PRR12: variants seen among roughly 807,000 people sequenced by gnomAD.
PRR12 encodes the protein proline rich 12.
A neutral mutation model predicts 138.0 loss-of-function variants in PRR12; 12 were observed. The observed-to-expected ratio is 0.09, with a 90% CI of 0.06 to 0.14. The LOEUF (loss-of-function observed/expected upper bound fraction) is 0.14. Among genes scored for constraint, PRR12 ranks in the 10% least tolerant of loss-of-function variants. PRR12 has a pLI of 1.00. For missense variants in PRR12, 2,692 were observed against 2,861.3 expected (o/e 0.94, Z 1.35); for synonymous variants, 1,567 against 1,291.7 (o/e 1.21, Z -4.57).
At chr19:49,606,645 CTT>C (rs1230626073) in intron 6 of PRR12, among the ~76,000 whole-genome samples, 6 of 128,128 alleles carry the variant, frequency 4.7e-5, no homozygotes, top group Non-Finnish European at 8.3e-5. Context: ...TACCATCTCT[CTT>C]TTTTTTTTTT....
chr19:49,599,727 C>T lies in PRR12; in HGVS notation c.4134C>T (p.Pro1378=), dbSNP rs770104258. ...EELKRNLETL[P]SFSSDEEDSV... is the part of the protein sequence containing the mutation. ...TGAAGCGGAACCTCGAGACGCTGCCCTCCTTCTCCTCGGATGAGGAAGACT... is the reference window on the plus strand; with the variant it reads ...TGAAGCGGAACCTCGAGACGCTGCCTTCCTTCTCCTCGGATGAGGAAGACT... The change falls in exon 5 of 14, where the codon CCC becomes CCT. Residue 1378 remains proline, a synonymous_variant. Transcript: ENST00000418929. This position sits in a 1 kb window ranked among gnomAD's most constrained non-coding sequence, Gnocchi z 5.0. 6.2e-7 allele frequency: 1 copy of T among 1,613,640 alleles called. No individual in the cohort carries two copies. Among genetic ancestry groups the T allele is most frequent in the Non-Finnish European group, 8.5e-7 (1 of 1,179,890 alleles).
rs1435073586 is a variant in PRR12 at position 49,599,989 on chromosome 19, C to G, written c.4345+51C>G. 5.4e-6 allele frequency: 8 copies of G among 1,481,330 alleles called. No individual in the cohort carries two copies. The South Asian group carries it at 7.9e-5, about 15-fold the overall frequency. The allele number at this position is 1,481,330 out of a possible 1,614,324, so 91.8% of individuals were successfully genotyped here. Reference sequence around the variant, plus strand: ...AGTAGAGCTTAAAGGTTATTATGATCACTAGGTAACAGTTGTGCAGGTTAC... The same window carrying G: ...AGTAGAGCTTAAAGGTTATTATGATGACTAGGTAACAGTTGTGCAGGTTAC... On this transcript the variant is annotated intron_variant, in intron 5 of 13. Transcript: ENST00000418929. This position sits in a 1 kb window ranked among gnomAD's most constrained non-coding sequence, Gnocchi z 5.0.
chr19:49,598,801 A>G (rs117384714), intron 4 of PRR12, among the ~76,000 whole-genome samples: 2,122 of 152,290 alleles, frequency 0.014, 35 homozygotes, highest in South Asian at 0.059. Context: ...TGGGCCACAG[A>G]GTGAGACCCT....
Position 49,597,939 on chromosome 19 carries a change from G to A in PRR12, c.3604G>A (p.Gly1202Ser). 1 of 1,403,892 alleles carries A rather than the reference G, an allele frequency of 7.1e-7. No homozygotes were observed. Among genetic ancestry groups the A allele is most frequent in the African/African-American group, 1.5e-5 (1 of 65,730 alleles). The allele number at this position is 1,403,892 out of a possible 1,614,324, so 87.0% of individuals were successfully genotyped here. A position where few individuals can be genotyped will look rare whatever the true frequency, so the allele number is the denominator to read the frequency against. ...CACCGATGGCGCCAAGAAACCCCGG[G>A]GCCGGGGCCGAGGCCGGGGTCGAAA... ...TPTDGAKKPR[G>S]RGRGRGRKAE... Residue 1202 changes from glycine to serine, a missense_variant, in exon 4 of 14, where the codon GGC becomes AGC. Coordinates refer to ENST00000418929, the MANE Select transcript of PRR12 (RefSeq NM_020719.3). The surrounding 1 kb of genome is among the most constrained non-coding windows in gnomAD (Gnocchi z 6.3).
Position 49,614,729 on chromosome 19 carries a change from G to A in PRR12, c.4890+80G>A, listed in dbSNP as rs2080882802. On this transcript the variant is annotated intron_variant, in intron 7 of 13. Transcript: ENST00000418929. The surrounding 1 kb of genome is among the most constrained non-coding windows in gnomAD (Gnocchi z 5.0). ...AGCTGGGGTTCCCCTTAGTGTGGCT[G>A]TGACTCACTCCACAGTGTATCTGGA... 6.8e-7 allele frequency: 1 copy of A among 1,474,258 alleles called. No homozygotes were observed. Among genetic ancestry groups the A allele is most frequent in the Non-Finnish European group, 9.2e-7 (1 of 1,081,220 alleles). The allele number at this position is 1,474,258 out of a possible 1,614,324, so 91.3% of individuals were successfully genotyped here.
chr19:49,606,919 G>C (rs1463900593), intron 6 of PRR12, among the ~76,000 whole-genome samples: 1 of 151,974 alleles, frequency 6.6e-6, no homozygotes, highest in Non-Finnish European at 1.5e-5. Context: ...GTTTATTCCA[G>C]AAAAACAGCA....
chr19:49,613,767 C>A lies in PRR12; in HGVS notation c.4774-766C>A, dbSNP rs939408271. Among the ~76,000 whole-genome samples the A allele has an allele frequency of 2.0e-5, 3 of 152,174 alleles. No individual in the cohort carries two copies. In the South Asian group the frequency reaches 6.2e-4, roughly 31 times the overall value. On this transcript the variant is annotated intron_variant, in intron 6 of 13. Coordinates refer to ENST00000418929, the MANE Select transcript of PRR12 (RefSeq NM_020719.3). Reference sequence around the variant, plus strand: ...GAGAAGGCTTTTTCAGTGTCTTAGACTCCTCAGGTTGCTATACCAGAATAC... The same window carrying A: ...GAGAAGGCTTTTTCAGTGTCTTAGAATCCTCAGGTTGCTATACCAGAATAC...
chr19:49,597,603 A>C lies in PRR12; in HGVS notation c.3268A>C (p.Thr1090Pro). The change falls in exon 4 of 14, where the codon ACC becomes CCC. Residue 1090 changes from threonine to proline, a missense_variant. Coordinates refer to ENST00000418929, the MANE Select transcript of PRR12 (RefSeq NM_020719.3). This position sits in a 1 kb window ranked among gnomAD's most constrained non-coding sequence, Gnocchi z 6.3. ...LLRRRDPPFQ[T>P]PKKLYAQEYE... The stretch of plus-strand genomic sequence containing the variant: ...GCGGCGCCGCGACCCACCCTTCCAG[A>C]CCCCCAAGAAGCTGTACGCCCAGGA... 6.2e-7 allele frequency: 1 copy of C among 1,609,200 alleles called. No individual in the cohort carries two copies. The highest frequency in any genetic ancestry group is 1.1e-5 in the South Asian group (1 of 90,276).
chr19:49,593,102 G>A (rs2080740196), intron 1 of PRR12, among the ~76,000 whole-genome samples: 1 of 152,030 alleles, frequency 6.6e-6, no homozygotes, highest in Non-Finnish European at 1.5e-5. Flanking sequence ...GAGACTATCC[G>A]GGCTCTCTTT....
At chr19:49,605,418 A>G (rs1216077699) in intron 6 of PRR12, among the ~76,000 whole-genome samples, 3 of 150,626 alleles carry the variant, frequency 2.0e-5, no homozygotes, top group Non-Finnish European at 3.0e-5. Flanking sequence ...ATGTGCCACC[A>G]TGCCTGGCTA....
chr19:49,603,100 A>G (rs995494365), intron 6 of PRR12, among the ~76,000 whole-genome samples: 1 of 152,254 alleles, frequency 6.6e-6, no homozygotes, highest in Non-Finnish European at 1.5e-5. Flanking sequence ...CTCAATGGCA[A>G]AAAATATCTC....
In PRR12 at chr19:49,601,557, C is replaced by G. The variant is rs2080810310; in HGVS notation, c.4412C>G (p.Pro1471Arg). The change falls in exon 6 of 14, where the codon CCT becomes CGT. Residue 1471 changes from proline to arginine, a missense_variant. Physicochemically the swap from Pro to Arg is moderately radical, Grantham distance 103. This residue lies in a region of PRR12 where 231 missense variants were observed against 200.8 expected (regional missense o/e 1.15). Coordinates refer to ENST00000418929, the MANE Select transcript of PRR12 (RefSeq NM_020719.3). ...CCTGCCCCGACTCCTCAGCCTCAGCCTCCGCCACCCCCTCCGCCGCCACAG... is the reference window on the plus strand; with the variant it reads ...CCTGCCCCGACTCCTCAGCCTCAGCGTCCGCCACCCCCTCCGCCGCCACAG... ...PPPAPTPQPQ[P>R]PPPPPPPQPA... 2 of 1,541,664 alleles carry G rather than the reference C, an allele frequency of 1.3e-6. No homozygotes were observed. The highest frequency in any genetic ancestry group is 2.4e-5 in the South Asian group (2 of 83,822).
intron 6 of PRR12, among the ~76,000 whole-genome samples, chr19:49,610,614 C>G (rs1376427629): frequency 1.4e-5 from 2 of 147,626 alleles, no homozygotes; most frequent in Admixed American, 6.9e-5. Flanking sequence ...GCGATCTCAG[C>G]TCACTACAAG....
chr19:49,606,434 C>T (rs1250481899), intron 6 of PRR12, among the ~76,000 whole-genome samples: 1 of 151,618 alleles, frequency 6.6e-6, no homozygotes, highest in African/African-American at 2.4e-5. Flanking sequence ...GCCTCAGCCT[C>T]CTGAGTAGCT....
chr19:49,593,229 A>T, intron 1 of PRR12, 98 bp from the exon 2 acceptor site: 1 of 345,892 alleles, frequency 2.9e-6, no homozygotes, highest in Non-Finnish European at 5.3e-6. Flanking sequence ...CACCCCGGTC[A>T]GCTGGAAGGG....
At chr19:49,607,361 G>GCACACACA (rs72175242) in intron 6 of PRR12, among the ~76,000 whole-genome samples, 127 of 147,862 alleles carry the variant, frequency 8.6e-4, no homozygotes, top group African/African-American at 3.1e-3. Flanking sequence ...ATGTACGTGT[G>GCACACACA]CACACACACA....
chr19:49,607,976 G>A (rs1423422502), intron 6 of PRR12, among the ~76,000 whole-genome samples: 5 of 152,042 alleles, frequency 3.3e-5, no homozygotes, highest in Non-Finnish European at 5.9e-5. Flanking sequence ...CCGAAATGAC[G>A]CCATTGCACT....
chr19:49,601,813 A>G lies in PRR12; in HGVS notation c.4668A>G (p.Ala1556=), dbSNP rs1194970419. Residue 1556 remains alanine (A), a synonymous_variant, in exon 6 of 14, where the codon GCA becomes GCG. Coordinates refer to ENST00000418929, the MANE Select transcript of PRR12 (RefSeq NM_020719.3). ...TGGCCAAAAAGCAGGAGACGGCGGC[A>G]GTGTGTGGGGAGACGGACGAGGAGG... ...LHLAKKQETA[A]VCGETDEEAG... 1 of 1,612,406 alleles carries G rather than the reference A, an allele frequency of 6.2e-7. No homozygotes were observed. Among genetic ancestry groups the G allele is most frequent in the Non-Finnish European group, 8.5e-7 (1 of 1,179,840 alleles).
rs556275626 is a variant in PRR12, at chr19:49,591,789, CAGCCG to C, written c.86+50_86+54del. 1.0e-3 allele frequency: 1,237 copies of C among 1,225,986 alleles called. 12 individuals carry two copies. The African/African-American group carries it at 0.024, about 24-fold the overall frequency. 75.9% of individuals were successfully genotyped at this position (1,225,986 alleles called of 1,614,324 possible). A position where few individuals can be genotyped will look rare whatever the true frequency, so the allele number is the denominator to read the frequency against. ...AGAAGGGGGCCAAGGGGTGGGAGCC[CAGCCG>C]GGCCGGGCCGGGCCGGGCCGGGCCC... On this transcript the variant is annotated intron_variant, in intron 1 of 13. Coordinates refer to ENST00000418929, the MANE Select transcript of PRR12 (RefSeq NM_020719.3).
Sources: gnomAD v4.1 joint callset for allele counts (sites outside exome capture counted in the v4.1 genomes callset) on GRCh38, gnomAD v4.1.1 for gene constraint, gnomAD v4.1.1 regional missense constraint, Gnocchi (gnomAD v3.1) non-coding constraint, MANE v1.5 for transcripts, NCBI Gene and HGNC (gene_info 2026-07-23, HGNC 2026-07-21) for gene names.